The following PCDHA3 variants were observed in gnomAD, a reference collection of about 807,000 sequenced individuals.
The protein encoded by PCDHA3 is protocadherin alpha-3.
A neutral mutation model predicts 62.2 loss-of-function variants in PCDHA3; 41 were observed. The observed-to-expected ratio is 0.66, with a 90% CI of 0.51 to 0.86. The LOEUF (loss-of-function observed/expected upper bound fraction) is 0.86. Ranked by LOEUF, PCDHA3 falls within the 40% of genes least tolerant of loss-of-function variation. The probability of loss-of-function intolerance (pLI) is 0.00; values close to 1 mark genes in which losing one functional copy is unlikely to be tolerated. For missense variants in PCDHA3, 1,304 were observed against 1,241.2 expected (o/e 1.05, Z -0.76); for synonymous variants, 640 against 555.4 (o/e 1.15, Z -2.14).
rs2056458194 is a variant in PCDHA3, at chr5:140,876,609, T to C, written c.2394+73018T>C. ...TGATTAGCGTGTCGGATCGTGACTC[T>C]GGAGCCAATGGACAGGTCATCTGCT... On this transcript the variant is annotated intron_variant, in intron 1 of 3. Coordinates refer to ENST00000522353, the MANE Select transcript of PCDHA3 (RefSeq NM_018906.3). The C allele has an allele frequency of 3.1e-6, 5 of 1,614,226 alleles. No individual in the cohort carries two copies. In the East Asian group the frequency reaches 1.1e-4, roughly 36 times the overall value.
intron 1 of PCDHA3, chr5:140,835,801 A>T: frequency 6.2e-7 from 1 of 1,613,074 alleles, no homozygotes; most frequent in Non-Finnish European, 8.5e-7. Context: ...CCGGGCTGCC[A>T]CATCTTCACT....
At chr5:140,832,957 G>A in intron 1 of PCDHA3, among the ~76,000 whole-genome samples, 1 of 152,166 alleles carries the variant, frequency 6.6e-6, no homozygotes, top group Non-Finnish European at 1.5e-5. Flanking sequence ...TGAGTATACA[G>A]AAAATTCCAA....
chr5:140,898,843 C>G (rs1449030828), intron 1 of PCDHA3, among the ~76,000 whole-genome samples: 17 of 152,100 alleles, frequency 1.1e-4, no homozygotes, highest in Non-Finnish European at 1.3e-4. Context: ...TCTTCCATTT[C>G]TTTGTATCCT....
At position 140,857,632 on chromosome 5, in the gene PCDHA3, G is replaced by C; in HGVS notation, c.2394+54041G>C. On this transcript the variant is annotated intron_variant, in intron 1 of 3. Transcript: ENST00000522353. ...AGCCGCTGGACCACGAGGAGCTGGA[G>C]CTGCTACAGTTCCAGGTGAGCGCGC... 1.9e-6 allele frequency: 3 copies of C among 1,596,770 alleles called. 1 individual carries two copies. Among genetic ancestry groups the C allele is most frequent in the Non-Finnish European group, 2.6e-6 (3 of 1,167,764 alleles).
intron 1 of PCDHA3, chr5:140,841,437 C>A (rs2150315470): frequency 1.2e-6 from 2 of 1,612,838 alleles, no homozygotes; most frequent in Non-Finnish European, 1.7e-6. Context: ...CCCGAGGAGG[C>A]CAAACACGGC....
At chr5:140,827,044 G>T (rs182892047) in intron 1 of PCDHA3, among the ~76,000 whole-genome samples, 16 of 152,300 alleles carry the variant, frequency 1.1e-4, no homozygotes. Flanking sequence ...TGAATTTGGG[G>T]ATTATTAATA....
intron 1 of PCDHA3, chr5:140,856,221 T>C (rs2043861898): frequency 1.9e-6 from 3 of 1,597,980 alleles, no homozygotes; most frequent in Non-Finnish European, 2.6e-6. Flanking sequence ...CTGGCGGAGC[T>C]GGTGCAGCGC....
intron 1 of PCDHA3, chr5:140,843,740 C>T (rs2150365873): frequency 1.9e-5 from 29 of 1,536,514 alleles, no homozygotes; most frequent in South Asian, 3.4e-5. Context: ...ATTTAGAACT[C>T]ATAAATTCTA....
intron 1 of PCDHA3, among the ~76,000 whole-genome samples, chr5:140,908,870 T>C (rs1221082339): frequency 6.6e-6 from 1 of 152,136 alleles, no homozygotes; most frequent in Non-Finnish European, 1.5e-5. Flanking sequence ...ATGTGTTGCC[T>C]CCAAAATCCA....
chr5:140,822,202 G>C (rs2150114545), intron 1 of PCDHA3: 2 of 1,614,238 alleles, frequency 1.2e-6, no homozygotes, highest in Admixed American at 3.3e-5. Flanking sequence ...ATTCATTTTA[G>C]AGTCAAGAAT....
intron 1 of PCDHA3, chr5:140,807,545 G>C: frequency 6.2e-7 from 1 of 1,614,188 alleles, no homozygotes; most frequent in Non-Finnish European, 8.5e-7. Flanking sequence ...TTTCCATGTG[G>C]ACGTGGAGGT....
At chr5:140,977,813 C>T (rs1347788650) in intron 1 of PCDHA3, among the ~76,000 whole-genome samples, 1 of 152,192 alleles carries the variant, frequency 6.6e-6, no homozygotes, top group Non-Finnish European at 1.5e-5. Flanking sequence ...GAATTATTGA[C>T]AGTTTTGAAT....
In PCDHA3 at chr5:141,010,166, A is replaced by G; in HGVS notation, c.*229A>G. 1 of 1,562,828 alleles carries G rather than the reference A, an allele frequency of 6.4e-7. No homozygotes were observed. The highest frequency in any genetic ancestry group is 8.7e-7 in the Non-Finnish European group (1 of 1,152,678). ...TCTCTCCACTCTGGCTTGTTTTCAG[A>G]ACCTAAAAAGCAGACCCAAGTTTCC... On this transcript the variant is annotated 3_prime_UTR_variant, in exon 4 of 4. Transcript: ENST00000522353.
At chr5:140,911,449 C>G (rs1554194734) in intron 1 of PCDHA3, among the ~76,000 whole-genome samples, 1 of 152,116 alleles carries the variant, frequency 6.6e-6, no homozygotes, top group Non-Finnish European at 1.5e-5. Context: ...AATTTCAGCT[C>G]TTTCTCTACA....
intron 1 of PCDHA3, chr5:140,824,090 G>T (rs2150132090): frequency 1.2e-6 from 2 of 1,614,190 alleles, no homozygotes; most frequent in East Asian, 4.5e-5. Context: ...ATGGCCTTCA[G>T]TCCAAGCCTT....
rs140660802 is a variant in PCDHA3 at position 140,849,759 on chromosome 5, G to C, written c.2394+46168G>C. 47 of 1,598,444 alleles carry C rather than the reference G, an allele frequency of 2.9e-5. 6 individuals are homozygous for C. Among genetic ancestry groups the C allele is most frequent in the Non-Finnish European group, 4.0e-5 (47 of 1,167,970 alleles). ...GGACCGCGAGAGTGTGTCCGCCTAC[G>C]AGCTGGTGGTTACCGCGCGGGACGG... On this transcript the variant is annotated intron_variant, in intron 1 of 3. Coordinates refer to ENST00000522353, the MANE Select transcript of PCDHA3 (RefSeq NM_018906.3).
At chr5:140,871,609 A>G (rs1554165776) in intron 1 of PCDHA3, 1 of 1,428,296 alleles carries the variant, frequency 7.0e-7, no homozygotes, top group East Asian at 2.5e-5. Flanking sequence ...TGTTTTGAAT[A>G]TTGTTTTAGA....
At chr5:140,822,352 C>A in intron 1 of PCDHA3, 1 of 1,614,074 alleles carries the variant, frequency 6.2e-7, no homozygotes, top group Non-Finnish European at 8.5e-7. Context: ...CTTTTTAGAG[C>A]TGGTTTTGAG....
At chr5:140,942,950 T>G (rs1461424409) in intron 1 of PCDHA3, among the ~76,000 whole-genome samples, 1 of 151,716 alleles carries the variant, frequency 6.6e-6, no homozygotes, top group Non-Finnish European at 1.5e-5. Context: ...AGTGTAGACG[T>G]TCTGTTATCA....
Sources: gnomAD v4.1 joint callset for allele counts (sites outside exome capture counted in the v4.1 genomes callset) on GRCh38, gnomAD v4.1.1 for gene constraint, MANE v1.5 for transcripts, NCBI Gene and HGNC (gene_info 2026-07-23, HGNC 2026-07-21) for gene names.